The following NTNG1 variants were observed in gnomAD, a reference collection of about 807,000 sequenced individuals.
The protein encoded by NTNG1 is netrin-G1.
In NTNG1, 16 loss-of-function variants were observed where a neutral mutation model predicts 54.0. The ratio of observed to expected loss-of-function variants is 0.30; its 90% CI spans 0.20 to 0.45. The LOEUF (loss-of-function observed/expected upper bound fraction) is 0.45. Among genes scored for constraint, NTNG1 ranks in the 20% least tolerant of loss-of-function variants. NTNG1 has a pLI of 1.00. For missense variants in NTNG1, 530 were observed against 678.7 expected, an observed-to-expected ratio of 0.78 and a Z score of 2.43; for synonymous variants, 255 against 263.1, an observed-to-expected ratio of 0.97 and a Z score of 0.30.
chr1:107,303,795 C>T (rs562895429), intron 2 of NTNG1, among the ~76,000 whole-genome samples: 40 of 151,968 alleles, frequency 2.6e-4, no homozygotes, highest in Non-Finnish European at 4.4e-4. Context: ...CAAGTGATTC[C>T]CCTGCCTCAG....
At chr1:107,415,060 TC>T (rs1674106154) in intron 5 of NTNG1, among the ~76,000 whole-genome samples, 1 of 152,184 alleles carries the variant, frequency 6.6e-6, no homozygotes, top group Admixed American at 6.5e-5. Flanking sequence ...GATTTTGGTC[TC>T]CATACTACAT....
intron 5 of NTNG1, among the ~76,000 whole-genome samples, chr1:107,424,402 C>A (rs1674759851): frequency 6.6e-6 from 1 of 152,088 alleles, no homozygotes; most frequent in Non-Finnish European, 1.5e-5. Context: ...TGAATGAACT[C>A]CTCTTTTATT....
chr1:107,272,239 G>C (rs1664196530), intron 2 of NTNG1, among the ~76,000 whole-genome samples: 1 of 151,742 alleles, frequency 6.6e-6, no homozygotes, highest in Admixed American at 6.6e-5. Flanking sequence ...ATTCTTAAAG[G>C]GTCTAAAAGA....
chr1:107,410,805 T>A (rs1256493579), intron 5 of NTNG1, among the ~76,000 whole-genome samples: 4 of 152,174 alleles, frequency 2.6e-5, no homozygotes, highest in African/African-American at 9.6e-5. Flanking sequence ...TCATATGATC[T>A]TTGGTCCTGA....
At chr1:107,475,679 C>G (rs1039735889) in intron 7 of NTNG1, among the ~76,000 whole-genome samples, 1 of 152,192 alleles carries the variant, frequency 6.6e-6, no homozygotes, top group African/African-American at 2.4e-5. Flanking sequence ...CAAAATATAT[C>G]AGGGACAACT....
intron 5 of NTNG1, among the ~76,000 whole-genome samples, chr1:107,430,525 A>G (rs890600715): frequency 1.3e-5 from 2 of 152,156 alleles, no homozygotes; most frequent in Non-Finnish European, 2.9e-5. Context: ...AGAATTAACA[A>G]TCTTCAGTCT....
At chr1:107,343,571 G>C (rs1351021560) in intron 3 of NTNG1, among the ~76,000 whole-genome samples, 1 of 150,438 alleles carries the variant, frequency 6.6e-6, no homozygotes, top group South Asian at 2.1e-4. Context: ...TTCAGATTGT[G>C]CTTTTGGGGA....
intron 2 of NTNG1, among the ~76,000 whole-genome samples, chr1:107,293,370 T>C (rs1482783827): frequency 2.0e-5 from 3 of 152,194 alleles, no homozygotes. Flanking sequence ...GAATTTTTCC[T>C]AAGGAAGCAA....
intron 2 of NTNG1, among the ~76,000 whole-genome samples, chr1:107,277,993 C>A (rs981642697): frequency 6.6e-6 from 1 of 152,268 alleles, no homozygotes; most frequent in South Asian, 2.1e-4. Context: ...TATGGCATAA[C>A]TTATAGAAGG....
chr1:107,456,517 C>G (rs897387978), intron 7 of NTNG1, among the ~76,000 whole-genome samples: 3 of 152,106 alleles, frequency 2.0e-5, no homozygotes, highest in Admixed American at 6.5e-5. Flanking sequence ...TCAGCCATGC[C>G]TCTCTCAGAG....
chr1:107,380,508 C>T (rs1671577088), intron 3 of NTNG1, among the ~76,000 whole-genome samples: 1 of 152,088 alleles, frequency 6.6e-6, no homozygotes, highest in Non-Finnish European at 1.5e-5. Flanking sequence ...TCTCATAAAG[C>T]TGCTGTATAA....
At chr1:107,461,306 C>T (rs984491326) in intron 7 of NTNG1, among the ~76,000 whole-genome samples, 11 of 152,102 alleles carry the variant, frequency 7.2e-5, no homozygotes, top group African/African-American at 2.7e-4. Context: ...ATTAAGGAGA[C>T]CCCACCATGG....
At chr1:107,417,913 T>C (rs1674325240) in intron 5 of NTNG1, among the ~76,000 whole-genome samples, 1 of 152,080 alleles carries the variant, frequency 6.6e-6, no homozygotes, top group South Asian at 2.1e-4. Flanking sequence ...TATTTATTTC[T>C]GCATTGAAAC....
At chr1:107,434,069 T>TTATTGG (rs1159252009) in intron 6 of NTNG1, among the ~76,000 whole-genome samples, 3 of 152,200 alleles carry the variant, frequency 2.0e-5, no homozygotes, top group African/African-American at 4.8e-5. Flanking sequence ...AATAAGGCAC[T>TTATTGG]AATCTTGGAA....
intron 3 of NTNG1, among the ~76,000 whole-genome samples, chr1:107,353,475 C>G (rs146271390): frequency 9.2e-5 from 14 of 152,088 alleles, no homozygotes; most frequent in Non-Finnish European, 1.3e-4. Context: ...AATTTCCATC[C>G]GAGACCTCCT....
chr1:107,172,872 T>A (rs1298976688), intron 2 of NTNG1, among the ~76,000 whole-genome samples: 1 of 152,162 alleles, frequency 6.6e-6, no homozygotes, highest in Non-Finnish European at 1.5e-5. Context: ...TAGAAGAAAG[T>A]AATTTTTCTT....
intron 2 of NTNG1, among the ~76,000 whole-genome samples, chr1:107,322,782 G>A (rs557851971): frequency 6.6e-6 from 1 of 152,158 alleles, no homozygotes; most frequent in South Asian, 2.1e-4. Flanking sequence ...CTGATTCCTT[G>A]AGTGTATTTT....
chr1:107,184,123 TC>T (rs1181581792), intron 2 of NTNG1, among the ~76,000 whole-genome samples: 5 of 152,120 alleles, frequency 3.3e-5, no homozygotes, highest in African/African-American at 1.2e-4. Flanking sequence ...AAATCTCACC[TC>T]ATGACTTTGA....
intron 1 of NTNG1, among the ~76,000 whole-genome samples, chr1:107,145,690 G>A (rs1166299849): frequency 6.6e-6 from 1 of 152,072 alleles, no homozygotes; most frequent in Non-Finnish European, 1.5e-5. Flanking sequence ...TTATGTGCCA[G>A]AAATTTAAGC....
Sources: allele counts gnomAD v4.1 joint callset (sites outside exome capture counted in the v4.1 genomes callset), GRCh38; gene constraint gnomAD v4.1.1; transcripts MANE v1.5; gene names NCBI Gene and HGNC (gene_info 2026-07-23, HGNC 2026-07-21).